Variants in FAR1 observed in about 807,000 individuals in gnomAD.
The protein encoded by FAR1 is male sterility domain-containing protein 2.
Under a neutral mutation model 61.1 loss-of-function variants are expected in FAR1, and 22 were observed. The ratio of observed to expected loss-of-function variants is 0.36; its 90% CI spans 0.26 to 0.51. The LOEUF (loss-of-function observed/expected upper bound fraction) is 0.51. Ranked by LOEUF, FAR1 falls within the 20% of genes least tolerant of loss-of-function variation. FAR1 has a pLI of 0.95. For synonymous variants in FAR1, 206 were observed against 209.7 expected (o/e 0.98, Z 0.15); for missense variants, 359 against 626.9 (o/e 0.57, Z 4.56).
Position 13,721,838 on chromosome 11 carries a change from A to G in FAR1, c.1236A>G (p.Gln412=). The change falls in exon 10 of 12, where the codon CAA becomes CAG. Residue 412 remains glutamine (Q), a synonymous_variant. Coordinates refer to ENST00000354817, the MANE Select transcript of FAR1 (RefSeq NM_032228.6). The surrounding 1 kb of genome is among the most constrained non-coding windows in gnomAD (Gnocchi z 4.2). ...NTENVNMLMN[Q]LNPEDKKTFN... is the part of the protein sequence containing the mutation. The stretch of plus-strand genomic sequence containing the variant: ...AGAATGTCAATATGTTAATGAATCA[A>G]CTAAACCCTGAAGATAAAAAGGCAA... The G allele has an allele frequency of 3.1e-6, 5 of 1,604,082 alleles. No homozygotes were observed. The highest frequency in any genetic ancestry group is 3.4e-6 in the Non-Finnish European group (4 of 1,176,346).
At chr11:13,695,059 A>G in intron 2 of FAR1, 105 bp downstream of exon 2, 3 of 928,520 alleles carry the variant, frequency 3.2e-6, no homozygotes, top group Non-Finnish European at 4.4e-6. Context: ...GTATTCTGAA[A>G]AAATTAGTAA....
intron 1 of FAR1, among the ~76,000 whole-genome samples, chr11:13,681,488 A>G (rs1848126554): frequency 6.6e-6 from 1 of 152,332 alleles, no homozygotes; most frequent in Non-Finnish European, 1.5e-5. Context: ...AGTCTTGTAA[A>G]TCACTTGTAG....
chr11:13,727,039 T>C (rs2134203190), intron 10 of FAR1, among the ~76,000 whole-genome samples: 1 of 152,162 alleles, frequency 6.6e-6, no homozygotes, highest in South Asian at 2.1e-4. Context: ...CCTATCCTTC[T>C]CATCAAATAA....
Position 13,731,970 on chromosome 11 carries a change from T to C in FAR1, c.*3196T>C, listed in dbSNP as rs1364378720. 1.3e-5 allele frequency: 2 copies of C among 152,130 alleles called. No homozygotes were observed. Among genetic ancestry groups the C allele is most frequent in the African/African-American group, 4.8e-5 (2 of 41,432 alleles). The allele number at this position is 152,130 out of a possible 1,614,324, so 9.4% of individuals were successfully genotyped here. A position where few individuals can be genotyped will look rare whatever the true frequency, so the allele number is the denominator to read the frequency against. ...GTAAGTGTAAATGGCCTTCTGAGCA[T>C]GCTCTTCTAGGCTGACTCCCAGCCC... On this transcript the variant is annotated 3_prime_UTR_variant, in exon 12 of 12. Coordinates refer to ENST00000354817, the MANE Select transcript of FAR1 (RefSeq NM_032228.6).
At chr11:13,703,014 C>G (rs1848394013) in intron 3 of FAR1, among the ~76,000 whole-genome samples, 1 of 152,210 alleles carries the variant, frequency 6.6e-6, no homozygotes, top group African/African-American at 2.4e-5. Flanking sequence ...CATCTATGTT[C>G]ACTGACCTAG....
intron 1 of FAR1, among the ~76,000 whole-genome samples, chr11:13,686,013 C>T (rs951320675): frequency 1.3e-5 from 2 of 152,124 alleles, no homozygotes; most frequent in African/African-American, 4.8e-5. Context: ...GCGCTGTGCA[C>T]TCAATTCTCA....
chr11:13,698,830 CAA>C (rs75986780), intron 2 of FAR1, among the ~76,000 whole-genome samples: 4 of 131,472 alleles, frequency 3.0e-5, no homozygotes, highest in African/African-American at 5.6e-5. Context: ...GACTCCGTCT[CAA>C]AAAAAAAAAA....
chr11:13,705,907 C>G (rs1206102097), intron 3 of FAR1, among the ~76,000 whole-genome samples: 1 of 152,132 alleles, frequency 6.6e-6, no homozygotes, highest in East Asian at 1.9e-4. Flanking sequence ...CAAACAGTAC[C>G]CTCCCTATCC....
At chr11:13,689,873 C>CTTTTTTTTT (rs71041539) in intron 1 of FAR1, among the ~76,000 whole-genome samples, 1 of 118,528 alleles carries the variant, frequency 8.4e-6, no homozygotes, top group Non-Finnish European at 1.7e-5. Flanking sequence ...TCATTTCGAT[C>CTTTTTTTTT]TTTTTTTTTT....
chr11:13,719,054 A>T (rs1167195474), intron 9 of FAR1, among the ~76,000 whole-genome samples: 1 of 152,226 alleles, frequency 6.6e-6, no homozygotes, highest in Non-Finnish European at 1.5e-5. Context: ...CGGAAGTCAC[A>T]TCATGTCACT....
chr11:13,727,860 C>T (rs1273589144), intron 11 of FAR1, among the ~76,000 whole-genome samples, 177 bp downstream of exon 11: 1 of 151,796 alleles, frequency 6.6e-6, no homozygotes, highest in Non-Finnish European at 1.5e-5. Flanking sequence ...CTTTTTAAGA[C>T]TTTCACATTA....
chr11:13,672,176 A>G (rs1848012226), intron 1 of FAR1, among the ~76,000 whole-genome samples: 1 of 152,186 alleles, frequency 6.6e-6, no homozygotes, highest in South Asian at 2.1e-4. Flanking sequence ...ACTCTATACA[A>G]ATTTAAATAT....
chr11:13,679,230 G>A (rs1848099796), intron 1 of FAR1, among the ~76,000 whole-genome samples: 1 of 151,936 alleles, frequency 6.6e-6, no homozygotes, highest in Non-Finnish European at 1.5e-5. Context: ...TCACTTCTCT[G>A]AGTCTGAAAG....
At chr11:13,697,496 G>A (rs1161661854) in intron 2 of FAR1, among the ~76,000 whole-genome samples, 1 of 152,000 alleles carries the variant, frequency 6.6e-6, no homozygotes, top group East Asian at 1.9e-4. Flanking sequence ...AGTTGATCAT[G>A]AAGTAAATTC....
chr11:13,692,120 T>C (rs1263391864), intron 1 of FAR1, among the ~76,000 whole-genome samples: 2 of 152,126 alleles, frequency 1.3e-5, no homozygotes, highest in Non-Finnish European at 2.9e-5. Context: ...TGAGCCGAGA[T>C]TGTGTCACTG....
rs780051947 is a variant in FAR1, at chr11:13,727,696, C to G, written c.1385+13C>G. The stretch of plus-strand genomic sequence containing the variant: ...AACATCTGAACAAGTGAGTTTGATG[C>G]ATGGATTTGATTGCTTCTTGTCTTC... On this transcript the variant is annotated intron_variant, in intron 11 of 11. Coordinates refer to ENST00000354817, the MANE Select transcript of FAR1 (RefSeq NM_032228.6). 2.5e-6 allele frequency: 4 copies of G among 1,588,848 alleles called. No homozygotes were observed. In the South Asian group the frequency reaches 3.5e-5, roughly 14 times the overall value.
intron 10 of FAR1, among the ~76,000 whole-genome samples, chr11:13,725,046 T>A (rs1325327769): frequency 6.6e-6 from 1 of 152,218 alleles, no homozygotes; most frequent in Non-Finnish European, 1.5e-5. Flanking sequence ...GTTTTACCTA[T>A]TTTTGACTTT....
chr11:13,694,299 T>C (rs910427173), intron 1 of FAR1, among the ~76,000 whole-genome samples: 1 of 152,172 alleles, frequency 6.6e-6, no homozygotes, highest in African/African-American at 2.4e-5. Flanking sequence ...CAATTGGTGT[T>C]GATACGCGAA....
intron 1 of FAR1, among the ~76,000 whole-genome samples, chr11:13,675,770 A>G (rs944686752): frequency 4.1e-4 from 62 of 152,242 alleles, no homozygotes; most frequent in African/African-American, 1.5e-3. Flanking sequence ...CAATTTTAAG[A>G]TTATTTTGAA....
Sources: gnomAD v4.1 joint callset for allele counts (sites outside exome capture counted in the v4.1 genomes callset) on GRCh38, gnomAD v4.1.1 for gene constraint, Gnocchi (gnomAD v3.1) non-coding constraint, MANE v1.5 for transcripts, NCBI Gene and HGNC (gene_info 2026-07-23, HGNC 2026-07-21) for gene names.